Variants in PSMG2 observed in about 807,000 individuals in gnomAD.
PSMG2 encodes CD40 ligand-activated specific transcript 3.
A neutral mutation model predicts 31.5 loss-of-function variants in PSMG2; 21 were observed. The ratio of observed to expected loss-of-function variants is 0.67; its 90% confidence interval spans 0.47 to 0.96. The LOEUF (loss-of-function observed/expected upper bound fraction) is 0.96, where lower values mean the gene tolerates loss of function less well. PSMG2 is among the 40% of genes least tolerant of loss of function. PSMG2 has a pLI of 0.00. For missense variants in PSMG2, 318 were observed against 321.2 expected (o/e 0.99, Z 0.08); for synonymous variants, 120 against 110.4 (o/e 1.09, Z -0.54).
chr18:12,674,494 G>A lies in PSMG2; in HGVS notation c.-37+15721G>A, dbSNP rs779965615. ...AAACCCCTGCCGGACTGATCTGTAA[G>A]ACTCCTAAACTGAAAAAATGATTCC... On this transcript the variant is annotated intron_variant, in intron 1 of 6. Transcript: ENST00000585331. 7.0e-6 allele frequency: 10 copies of A among 1,418,520 alleles called. No homozygotes were observed. In the South Asian group the frequency reaches 1.2e-4, roughly 17 times the overall value. 87.9% of individuals were successfully genotyped at this position (1,418,520 alleles called of 1,614,324 possible). A position where few individuals can be genotyped will look rare whatever the true frequency, so the allele number is the denominator to read the frequency against.
intron 1 of PSMG2, among the ~76,000 whole-genome samples, chr18:12,670,058 G>A (rs1287092204): frequency 2.0e-5 from 3 of 151,760 alleles, no homozygotes; most frequent in Non-Finnish European, 2.9e-5. Flanking sequence ...GGCCAGGTGC[G>A]ATGGTCCATG....
intron 1 of PSMG2, among the ~76,000 whole-genome samples, chr18:12,706,062 G>C (rs568671361): frequency 6.6e-6 from 1 of 152,376 alleles, no homozygotes; most frequent in Non-Finnish European, 1.5e-5. Flanking sequence ...TTGTTAAATA[G>C]TCTCAAAGGT....
chr18:12,705,357 C>T (rs986879242), intron 1 of PSMG2, among the ~76,000 whole-genome samples: 5 of 152,090 alleles, frequency 3.3e-5, no homozygotes, highest in African/African-American at 1.2e-4. Flanking sequence ...AGACACCATG[C>T]CCGGCGCCCT....
In PSMG2 at chr18:12,703,085, C is replaced by T. The variant is rs1262905882; in HGVS notation, c.-23C>T. ...TTCTTGCCAGGGCCGCGGTTAGTCC[C>T]TGCTGGCCACCCCACTGCGACCATG... On this transcript the variant is annotated 5_prime_UTR_variant, in exon 1 of 7. Transcript: ENST00000317615. The T allele has an allele frequency of 1.2e-6, 2 of 1,610,670 alleles. No homozygotes were observed. The highest frequency in any genetic ancestry group is 1.7e-6 in the Non-Finnish European group (2 of 1,178,922).
At chr18:12,676,467 G>T (rs1304790597) in intron 1 of PSMG2, among the ~76,000 whole-genome samples, 2 of 143,788 alleles carry the variant, frequency 1.4e-5, no homozygotes, top group Non-Finnish European at 3.1e-5. Context: ...TAGAGATAGG[G>T]TCTCACCACG....
chr18:12,661,775 A>G (rs938936996), intron 1 of PSMG2: 6 of 155,806 alleles, frequency 3.9e-5, no homozygotes, highest in African/African-American at 1.5e-4. Flanking sequence ...AGTCCGTCTC[A>G]AAGAGAAAAA....
At chr18:12,665,207 C>T (rs1485703153) in intron 1 of PSMG2, 1 of 152,116 alleles carries the variant, frequency 6.6e-6, no homozygotes, top group African/African-American at 2.4e-5. Context: ...GAATTCAGCA[C>T]ATTCCAGATG....
At chr18:12,666,744 C>T (rs1236425283) in intron 1 of PSMG2, among the ~76,000 whole-genome samples, 1 of 149,460 alleles carries the variant, frequency 6.7e-6, no homozygotes, top group African/African-American at 2.5e-5. Flanking sequence ...TCACCACACC[C>T]GGCCAAAAAA....
chr18:12,714,409 A>T (rs1252018256), intron 3 of PSMG2, among the ~76,000 whole-genome samples: 1 of 150,208 alleles, frequency 6.7e-6, no homozygotes, highest in East Asian at 2.0e-4. Context: ...TTTCTTAGAG[A>T]CTCCAATGGT....
In PSMG2 at chr18:12,668,031, G is replaced by A. The variant is rs866147063; in HGVS notation, c.-37+9258G>A. The stretch of plus-strand genomic sequence containing the variant: ...TGTAATCCCAGCACTTTGGGAGGCC[G>A]AGGCAGGCGTATCACCTGAGGTCAG... On this transcript the variant is annotated intron_variant, in intron 1 of 6. Transcript: ENST00000585331. 5.4e-4 allele frequency among the ~76,000 whole-genome samples: 82 copies of A among 152,016 alleles called. 1 individual carries two copies. Among genetic ancestry groups the A allele is most frequent in the African/African-American group, 1.8e-3 (76 of 41,486 alleles).
upstream of PSMG2, chr18:12,699,716 A>C: frequency 1.6e-6 from 1 of 616,528 alleles, no homozygotes; most frequent in Non-Finnish European, 2.7e-6. Context: ...ATAAAATTTT[A>C]AGTATTTTAT....
intron 1 of PSMG2, chr18:12,662,312 A>T (rs2038708140): frequency 2.8e-6 from 1 of 362,898 alleles, no homozygotes; most frequent in African/African-American, 2.2e-5. Flanking sequence ...CAGTTATACA[A>T]CTTGAAGGGT....
intron 1 of PSMG2, chr18:12,695,172 T>TA (rs777990599): frequency 3.9e-6 from 2 of 514,652 alleles, no homozygotes; most frequent in Admixed American, 8.0e-5. Context: ...TTTCTAAAAA[T>TA]AGAGTGCTTT....
At chr18:12,711,367 C>T (rs556784495) in intron 2 of PSMG2, among the ~76,000 whole-genome samples, 1 of 152,112 alleles carries the variant, frequency 6.6e-6, no homozygotes, top group Admixed American at 6.6e-5. Flanking sequence ...CTGTCCACCC[C>T]CTACAGATAC....
At chr18:12,689,911 C>T (rs9960555) in intron 1 of PSMG2, among the ~76,000 whole-genome samples, 59,248 of 151,980 alleles carry the variant, frequency 0.39, 11,976 homozygotes, top group Non-Finnish European at 0.45. Context: ...GCCTCAGCCT[C>T]CTGACTAACT....
upstream of PSMG2, chr18:12,699,226 T>C (rs757890523): frequency 1.8e-5 from 26 of 1,461,888 alleles, no homozygotes; most frequent in Non-Finnish European, 2.4e-5. Context: ...GCAATATATA[T>C]GAGGAAACTG....
chr18:12,669,932 G>GATT (rs1401744693), intron 1 of PSMG2, among the ~76,000 whole-genome samples: 2 of 151,946 alleles, frequency 1.3e-5, no homozygotes, highest in African/African-American at 4.8e-5. Context: ...AGGAGGCGGA[G>GATT]GTTGCGGTGA....
At chr18:12,703,700 A>T (rs2040227268) in intron 1 of PSMG2, among the ~76,000 whole-genome samples, 1 of 152,192 alleles carries the variant, frequency 6.6e-6, no homozygotes, top group South Asian at 2.1e-4. Flanking sequence ...GGAAACATGT[A>T]ATCTAAGAGC....
rs548162238 is a variant in PSMG2, at chr18:12,677,384, ACCAAGATCACGCCACTGTG to A, written c.-37+18629_-37+18647del. Among the ~76,000 whole-genome samples the A allele has an allele frequency of 2.8e-3, 422 of 149,854 alleles. 1 individual carries two copies. Among genetic ancestry groups the A allele is most frequent in the Non-Finnish European group, 3.9e-3 (264 of 67,568 alleles). On this transcript the variant is annotated intron_variant, in intron 1 of 6. Coordinates refer to the PSMG2 transcript ENST00000585331. The stretch of plus-strand genomic sequence containing the variant: ...ACCTGGGAGGTAGAGGTTGCAGTGA[ACCAAGATCACGCCACTGTG>A]CCAAGATCACGCCACTGCGCTCCAG...
Sources: gnomAD v4.1 joint callset for allele counts (sites outside exome capture counted in the v4.1 genomes callset) on GRCh38, gnomAD v4.1.1 for gene constraint, MANE v1.5 for transcripts, NCBI Gene and HGNC (gene_info 2026-07-23, HGNC 2026-07-21) for gene names.